The following SPINK1 variants were observed in gnomAD, a reference collection of about 807,000 sequenced individuals.
The protein encoded by SPINK1 is serine protease inhibitor Kazal-type 1.
In SPINK1, 5 loss-of-function variants were observed where a neutral mutation model predicts 9.5. That is an observed-to-expected ratio of 0.52 (90% confidence interval 0.27 to 1.10). The LOEUF (loss-of-function observed/expected upper bound fraction) is 1.10, where lower values mean the gene tolerates loss of function less well. Among genes scored for constraint, SPINK1 ranks in the 50% least tolerant of loss-of-function variants. The pLI, the probability that SPINK1 is intolerant of heterozygous loss-of-function variation, is 0.11. For missense variants in SPINK1, 88 were observed against 92.7 expected (o/e 0.95, Z 0.21); for synonymous variants, 37 against 32.3 (o/e 1.14, Z -0.49).
chr5:147,831,879 G>T, upstream of SPINK1: 1 of 1,200,872 alleles, frequency 8.3e-7, no homozygotes, highest in South Asian at 1.7e-5. Context: ...CTCTGTGGTT[G>T]TGGGAAAGTC....
the SPINK1 span, among the ~76,000 whole-genome samples, chr5:147,837,603 T>A: frequency 5.5e-4 from 84 of 152,314 alleles, no homozygotes; most frequent in South Asian, 0.017. Flanking sequence ...CCTTATTGTA[T>A]GTTCAATTTA....
At chr5:147,836,457 T>C (rs530342799), upstream of SPINK1, among the ~76,000 whole-genome samples, 1 of 152,214 alleles carries the variant, frequency 6.6e-6, no homozygotes, top group Non-Finnish European at 1.5e-5. Context: ...AGCGTCTCTG[T>C]TACAGCACTT....
upstream of SPINK1, among the ~76,000 whole-genome samples, chr5:147,832,619 C>G (rs557884018): frequency 6.6e-6 from 1 of 152,284 alleles, no homozygotes; most frequent in South Asian, 2.1e-4. Flanking sequence ...CTTTAACACA[C>G]TGTACTTTCC....
upstream of SPINK1, among the ~76,000 whole-genome samples, chr5:147,835,886 A>G (rs1756586725): frequency 6.6e-6 from 1 of 152,058 alleles, no homozygotes. Flanking sequence ...TATTTAGGGA[A>G]CTTCATGGCT....
At chr5:147,826,372 T>C (rs910969906) in intron 3 of SPINK1, among the ~76,000 whole-genome samples, 1 of 152,348 alleles carries the variant, frequency 6.6e-6, no homozygotes, top group Non-Finnish European at 1.5e-5. Flanking sequence ...AATTTTCTTA[T>C]CTGAGAAATA....
At chr5:147,836,688 C>T in the SPINK1 span, among the ~76,000 whole-genome samples, 1 of 152,224 alleles carries the variant, frequency 6.6e-6, no homozygotes, top group Non-Finnish European at 1.5e-5. Flanking sequence ...ATTTTAAAAA[C>T]ATGTCAGACT....
chr5:147,825,574 T>A (rs896493883), intron 3 of SPINK1, among the ~76,000 whole-genome samples: 2 of 152,074 alleles, frequency 1.3e-5, no homozygotes, highest in African/African-American at 4.8e-5. Flanking sequence ...CCCAAGTAGC[T>A]GGGATTACAG....
chr5:147,830,833 C>G (rs564530810), intron 1 of SPINK1, among the ~76,000 whole-genome samples: 1 of 152,226 alleles, frequency 6.6e-6, no homozygotes, highest in East Asian at 1.9e-4. Context: ...TCTGCGGGTT[C>G]AGAGTTGTCT....
Position 147,828,105 on chromosome 5 carries a change from A to C in SPINK1, c.111T>G (p.Asn37Lys). The change falls in exon 3 of 4, where the codon AAT becomes AAG. Residue 37 changes from asparagine to lysine, a missense_variant. Coordinates refer to ENST00000296695, the MANE Select transcript of SPINK1 (RefSeq NM_001379610.1). ...GREAKCYNEL[N>K]GCTKIYDPVC... Reference sequence around the variant, plus strand: ...CAGGGTCATATATCTTGGTGCATCCATTAAGTTCATTGTAACATTTGGCCT... The same window carrying C: ...CAGGGTCATATATCTTGGTGCATCCCTTAAGTTCATTGTAACATTTGGCCT... The C allele has an allele frequency of 6.2e-7, 1 of 1,613,354 alleles. No homozygotes were observed. Among genetic ancestry groups the C allele is most frequent in the Non-Finnish European group, 8.5e-7 (1 of 1,179,724 alleles).
In SPINK1 at chr5:147,828,115, T is replaced by C. The variant is rs17107315; in HGVS notation, c.101A>G (p.Asn34Ser). The C allele has an allele frequency of 0.011, 17,811 of 1,612,638 alleles. 131 individuals carry two copies. Among genetic ancestry groups the C allele is most frequent in the South Asian group, 0.021 (1,930 of 90,962 alleles). ...DSLGREAKCY[N>S]ELNGCTKIYD... ...TATCTTGGTGCATCCATTAAGTTCA[T>C]TGTAACATTTGGCCTAAAAATGGAA... is the stretch of plus-strand genomic sequence containing the variant. Residue 34 changes from asparagine (N) to serine (S), a missense_variant, in exon 3 of 4, where the codon AAT becomes AGT. Transcript: ENST00000296695.
chr5:147,828,007 C>G lies in SPINK1; in HGVS notation c.194+15G>C, dbSNP rs371154048. On this transcript the variant is annotated intron_variant, in intron 3 of 3. Transcript: ENST00000296695. Reference sequence around the variant, plus strand: ...TAAAATATATAGTTTAAAAGAAACTCAAGTTTGTACTCACCGATTTTCAAA... The same window carrying G: ...TAAAATATATAGTTTAAAAGAAACTGAAGTTTGTACTCACCGATTTTCAAA... 4 of 1,590,262 alleles carry G rather than the reference C, an allele frequency of 2.5e-6. No individual in the cohort carries two copies. The highest frequency in any genetic ancestry group is 1.3e-5 in the African/African-American group (1 of 74,272).
At chr5:147,835,705 G>A (rs974270751), upstream of SPINK1, among the ~76,000 whole-genome samples, 3 of 152,058 alleles carry the variant, frequency 2.0e-5, no homozygotes, top group Admixed American at 6.6e-5. Flanking sequence ...TTGGAATGGG[G>A]ATATTGGGCT....
chr5:147,826,969 G>A (rs185669041), intron 3 of SPINK1: 16 of 152,236 alleles, frequency 1.1e-4, no homozygotes, highest in Admixed American at 5.2e-4. Context: ...AAAGTCACTC[G>A]TGGAATCCCT....
chr5:147,831,399 A>G, intron 1 of SPINK1, 124 bp downstream of exon 1: 1 of 1,253,478 alleles, frequency 8.0e-7, no homozygotes, highest in African/African-American at 1.5e-5. Context: ...ATTTTATTTC[A>G]TCTCATTAGG....
the SPINK1 span, among the ~76,000 whole-genome samples, chr5:147,837,982 A>G: frequency 6.6e-6 from 1 of 152,210 alleles, no homozygotes; most frequent in East Asian, 1.9e-4. Context: ...GATTACAGGC[A>G]TGAGCCACTG....
upstream of SPINK1, chr5:147,831,808 C>T (rs1200972571): frequency 1.4e-6 from 2 of 1,393,052 alleles, no homozygotes; most frequent in African/African-American, 1.5e-5. Flanking sequence ...GGGCCTGAAA[C>T]ATGCAAGGCA....
intron 3 of SPINK1, among the ~76,000 whole-genome samples, chr5:147,825,756 T>C (rs1408268089): frequency 6.6e-6 from 1 of 152,208 alleles, no homozygotes; most frequent in East Asian, 1.9e-4. Context: ...CTTTAAGATT[T>C]TTTAATGCTT....
Position 147,831,537 on chromosome 5 carries a change from A to C in SPINK1, c.41T>G (p.Leu14Arg), listed in dbSNP as rs104893939. Reference protein sequence around the residue: ...TGIFLLSALALLSLSGNTGAD... With the variant: ...TGIFLLSALARLSLSGNTGAD... ...GCAACACTTACCAGATAGACTCAAC[A>C]GGGCCAAGGCACTGAGAAGAAAGAT... The change falls in exon 1 of 4, where the codon CTG becomes CGG. Residue 14 changes from leucine to arginine, a missense_variant. By Grantham distance (102) the Leu-to-Arg change is moderately radical. Coordinates refer to ENST00000296695, the MANE Select transcript of SPINK1 (RefSeq NM_001379610.1). 1.9e-6 allele frequency: 3 copies of C among 1,613,676 alleles called. No homozygotes were observed. The highest frequency in any genetic ancestry group is 1.7e-6 in the Non-Finnish European group (2 of 1,179,858).
chr5:147,831,473 C>T (rs1315937153), intron 1 of SPINK1, 50 bp downstream of exon 1: 1 of 1,609,408 alleles, frequency 6.2e-7, no homozygotes, highest in African/African-American at 1.3e-5. Flanking sequence ...CTTCACAAAG[C>T]AACAGGTCAA....
Sources: allele counts gnomAD v4.1 joint callset (sites outside exome capture counted in the v4.1 genomes callset), GRCh38; gene constraint gnomAD v4.1.1; transcripts MANE v1.5; gene names NCBI Gene and HGNC (gene_info 2026-07-23, HGNC 2026-07-21).